EFCAB11: variants seen among roughly 807,000 people sequenced by gnomAD.
The protein encoded by EFCAB11 is EF-hand calcium-binding domain-containing protein 11.
A neutral mutation model predicts 23.0 loss-of-function variants in EFCAB11; 14 were observed. That is an observed-to-expected ratio of 0.61 (90% CI 0.40 to 0.95). The LOEUF (loss-of-function observed/expected upper bound fraction) is 0.95. Ranked by LOEUF, EFCAB11 falls within the 40% of genes least tolerant of loss-of-function variation. The pLI is 0.00. For synonymous variants in EFCAB11, 65 were observed against 66.6 expected (o/e 0.98, Z 0.11); for missense variants, 198 against 195.8 (o/e 1.01, Z -0.07).
intron 5 of EFCAB11, among the ~76,000 whole-genome samples, chr14:89,816,722 G>A (rs1363462911): frequency 6.6e-6 from 1 of 151,890 alleles, no homozygotes; most frequent in African/African-American, 2.4e-5. Flanking sequence ...ACGGTGAAAA[G>A]GCAAGAAAAA....
intron 5 of EFCAB11, among the ~76,000 whole-genome samples, chr14:89,916,508 C>T (rs910974188): frequency 6.6e-6 from 1 of 152,188 alleles, no homozygotes; most frequent in African/African-American, 2.4e-5. Flanking sequence ...TCTAAATCTC[C>T]AATTGAAAGC....
chr14:89,855,416 C>T (rs927054666), intron 5 of EFCAB11, among the ~76,000 whole-genome samples: 11 of 151,896 alleles, frequency 7.2e-5, no homozygotes, highest in African/African-American at 2.7e-4. Context: ...GTTGAGGCTG[C>T]AGTGAGCCAT....
intron 5 of EFCAB11, among the ~76,000 whole-genome samples, chr14:89,798,753 T>C (rs1885661119): frequency 1.3e-5 from 2 of 152,332 alleles, no homozygotes; most frequent in Admixed American, 6.5e-5. Flanking sequence ...TCCCTTTGCC[T>C]GACTTTCTCA....
In EFCAB11 at chr14:89,797,131, A is replaced by G; in HGVS notation, c.*112T>C. ...TACTATGTACCCACAAAAATTAAAAATTTTTAAATGTTTAATCACAAGTCT... is the reference window on the plus strand; with the variant it reads ...TACTATGTACCCACAAAAATTAAAAGTTTTTAAATGTTTAATCACAAGTCT... On this transcript the variant is annotated 3_prime_UTR_variant, in exon 6 of 6. Coordinates refer to ENST00000316738, the MANE Select transcript of EFCAB11 (RefSeq NM_145231.4). 1 of 1,027,042 alleles carries G rather than the reference A, an allele frequency of 9.7e-7. No individual in the cohort carries two copies. The highest frequency in any genetic ancestry group is 1.4e-6 in the Non-Finnish European group (1 of 717,326). The allele number at this position is 1,027,042 out of a possible 1,614,324, so 63.6% of individuals were successfully genotyped here.
At chr14:89,918,273 T>C (rs57919116) in intron 5 of EFCAB11, among the ~76,000 whole-genome samples, 27,715 of 152,128 alleles carry the variant, frequency 0.18, 5,935 homozygotes, top group African/African-American at 0.52. Flanking sequence ...GCGTGGTGGC[T>C]CACGCCTGTA....
intron 5 of EFCAB11, among the ~76,000 whole-genome samples, chr14:89,879,207 T>C (rs1888530871): frequency 6.6e-6 from 1 of 152,118 alleles, no homozygotes; most frequent in African/African-American, 2.4e-5. Context: ...TTTAGTGTAC[T>C]CGATCCTACT....
At chr14:89,833,995 C>G (rs574849897) in intron 5 of EFCAB11, among the ~76,000 whole-genome samples, 1 of 152,178 alleles carries the variant, frequency 6.6e-6, no homozygotes, top group East Asian at 1.9e-4. Flanking sequence ...ATGGTTTTTT[C>G]CCCTCAGTGG....
rs868362649 is a variant in EFCAB11, at chr14:89,923,555, T to G, written c.410+7986A>C. The G allele has an allele frequency of 8.2e-6, 4 of 488,824 alleles. No homozygotes were observed. The African/African-American group carries it at 8.4e-5, about 10-fold the overall frequency. The allele number at this position is 488,824 out of a possible 1,614,324, so 30.3% of individuals were successfully genotyped here. Reference sequence around the variant, plus strand: ...CTCAAGAAGTCTACTTCTTCGGTCATGCCATTCACACAGAAGGTATAGCTG... The same window carrying G: ...CTCAAGAAGTCTACTTCTTCGGTCAGGCCATTCACACAGAAGGTATAGCTG... On this transcript the variant is annotated intron_variant, in intron 5 of 5. Transcript: ENST00000316738.
chr14:89,837,074 A>G, intron 5 of EFCAB11: 2 of 456,846 alleles, frequency 4.4e-6, no homozygotes, highest in Middle Eastern at 4.3e-4. Flanking sequence ...AGCTGCTAAG[A>G]GGCCAGAGGA....
chr14:89,885,222 T>A (rs1026517632), intron 5 of EFCAB11, among the ~76,000 whole-genome samples: 1 of 152,240 alleles, frequency 6.6e-6, no homozygotes, highest in East Asian at 1.9e-4. Context: ...ATAAAATATG[T>A]GTAAAACTTT....
chr14:89,831,667 AG>A lies in EFCAB11; in HGVS notation c.411-34344del, dbSNP rs1244551219. Among the ~76,000 whole-genome samples the A allele has an allele frequency of 3.3e-5, 5 of 152,346 alleles. No individual in the cohort carries two copies. The East Asian group carries it at 9.6e-4, about 29-fold the overall frequency. ...TTTACCTGGAGAATGAGAATGGTGA[AG>A]GGAAGAATGGAAGGAAAAAATCGTA... On this transcript the variant is annotated intron_variant, in intron 5 of 5. Transcript: ENST00000316738.
At chr14:89,805,257 C>T (rs1312681062) in intron 5 of EFCAB11, among the ~76,000 whole-genome samples, 1 of 152,178 alleles carries the variant, frequency 6.6e-6, no homozygotes. Flanking sequence ...GAACAGACCC[C>T]CACCCCAAGC....
At chr14:89,858,369 C>T (rs1459070931) in intron 5 of EFCAB11, among the ~76,000 whole-genome samples, 2 of 152,174 alleles carry the variant, frequency 1.3e-5, no homozygotes, top group Non-Finnish European at 2.9e-5. Context: ...ATTCCTGACC[C>T]ACAGATACTG....
At chr14:89,915,516 A>AAGAG (rs1491120572) in intron 5 of EFCAB11, among the ~76,000 whole-genome samples, 1 of 152,246 alleles carries the variant, frequency 6.6e-6, no homozygotes, top group Non-Finnish European at 1.5e-5. Context: ...TTGGTTCATT[A>AAGAG]AGAGAGGATC....
intron 5 of EFCAB11, among the ~76,000 whole-genome samples, chr14:89,867,655 T>C (rs1888135201): frequency 6.6e-6 from 1 of 152,236 alleles, no homozygotes; most frequent in East Asian, 1.9e-4. Context: ...AAGTATTTTG[T>C]TTTAATAATG....
intron 5 of EFCAB11, among the ~76,000 whole-genome samples, chr14:89,929,779 T>C (rs1890327205): frequency 6.6e-6 from 1 of 152,250 alleles, no homozygotes; most frequent in Non-Finnish European, 1.5e-5. Flanking sequence ...CAAACATCTA[T>C]TTCAAAAATG....
chr14:89,952,861 C>T (rs909609036), intron 2 of EFCAB11, among the ~76,000 whole-genome samples: 1 of 152,170 alleles, frequency 6.6e-6, no homozygotes, highest in African/African-American at 2.4e-5. Context: ...GCTTCCTTTG[C>T]TTGATGGTGG....
At chr14:89,938,504 A>G (rs1291561872) in intron 3 of EFCAB11, among the ~76,000 whole-genome samples, 3 of 152,032 alleles carry the variant, frequency 2.0e-5, no homozygotes, top group Non-Finnish European at 4.4e-5. Context: ...CACCTATGAT[A>G]AATGAATTCA....
At chr14:89,856,191 TC>T (rs1413673569) in intron 5 of EFCAB11, among the ~76,000 whole-genome samples, 4 of 62,926 alleles carry the variant, frequency 6.4e-5, no homozygotes, top group African/African-American at 1.8e-4. Flanking sequence ...TCTCTCTCTC[TC>T]TTTTTTTTTT....
Sources: allele counts gnomAD v4.1 joint callset (sites outside exome capture counted in the v4.1 genomes callset), GRCh38; gene constraint gnomAD v4.1.1; transcripts MANE v1.5; gene names NCBI Gene and HGNC (gene_info 2026-07-23, HGNC 2026-07-21).